Variants in ASPRV1 observed in about 807,000 individuals in gnomAD.
ASPRV1 encodes the protein aspartic peptidase retroviral like 1, also known as retroviral-like aspartic protease 1.
ASPRV1 carries 7 observed loss-of-function variants against 11.0 expected under a neutral mutation model. The observed-to-expected ratio is 0.64, with a 90% CI of 0.36 to 1.20. The LOEUF is 1.20. ASPRV1 is among the 50% of genes most tolerant of loss of function. The probability of loss-of-function intolerance (pLI) is 0.02; values close to 1 mark genes in which losing one functional copy is unlikely to be tolerated. For missense variants in ASPRV1, 299 were observed against 320.0 expected (o/e 0.93, Z 0.50); for synonymous variants, 136 against 138.4 (o/e 0.98, Z 0.12).
At chr2:70,012,791 T>A in the ASPRV1 span, among the ~76,000 whole-genome samples, 1 of 152,222 alleles carries the variant, frequency 6.6e-6, no homozygotes, top group African/African-American at 2.4e-5. Flanking sequence ...ATTGTTTGAA[T>A]TACAAGCTGA....
chr2:69,967,184 A>G, the ASPRV1 span, among the ~76,000 whole-genome samples: 1 of 152,142 alleles, frequency 6.6e-6, no homozygotes, highest in Non-Finnish European at 1.5e-5. Context: ...TCACTTGGAG[A>G]GATGAATCAG....
At chr2:70,047,168 CA>C in the ASPRV1 span, among the ~76,000 whole-genome samples, 16 of 152,098 alleles carry the variant, frequency 1.1e-4, no homozygotes, top group Admixed American at 9.8e-4. Flanking sequence ...CAGCAGCAAA[CA>C]AAAGAGATGT....
At chr2:70,036,648 T>C in the ASPRV1 span, among the ~76,000 whole-genome samples, 4 of 152,258 alleles carry the variant, frequency 2.6e-5, no homozygotes, top group East Asian at 7.7e-4. Flanking sequence ...CTTAAGTCAC[T>C]ATAGTGTCAC....
chr2:70,029,631 C>G, the ASPRV1 span, among the ~76,000 whole-genome samples: 3 of 152,168 alleles, frequency 2.0e-5, no homozygotes, highest in African/African-American at 7.2e-5. Flanking sequence ...GAGCAAGACT[C>G]CGTCTCAAAA....
At chr2:69,939,015 T>G in the ASPRV1 span, 1 of 152,614 alleles carries the variant, frequency 6.6e-6, no homozygotes, top group African/African-American at 2.4e-5. Context: ...CTCGCTGTGT[T>G]CTGCTATCTC....
the ASPRV1 span, among the ~76,000 whole-genome samples, chr2:70,054,514 T>C: frequency 6.6e-6 from 1 of 151,006 alleles, no homozygotes; most frequent in Non-Finnish European, 1.5e-5. Context: ...GAGGCGGAGT[T>C]TGCAGTGAGC....
At chr2:69,936,987 G>A in the ASPRV1 span, 1 of 617,024 alleles carries the variant, frequency 1.6e-6, no homozygotes, top group Non-Finnish European at 3.1e-6. Flanking sequence ...GTGCCAGTAT[G>A]TGAGAGCTCA....
At position 69,961,392 on chromosome 2, in the gene ASPRV1, A is replaced by G; in HGVS notation, c.45T>C (p.His15=). ...GARSEEGRRQ[H]AFVPEPFDGA... is the part of the protein sequence containing the mutation. Reference sequence around the variant, plus strand: ...CATCAAAAGGTTCCGGGACGAAGGCATGCTGCCGGCGGCCTTCCTCACTCC... The same window carrying G: ...CATCAAAAGGTTCCGGGACGAAGGCGTGCTGCCGGCGGCCTTCCTCACTCC... The change falls in exon 1 of 1, where the codon CAT becomes CAC. Residue 15 remains histidine, a synonymous_variant. Coordinates refer to ENST00000320256, the MANE Select transcript of ASPRV1 (RefSeq NM_152792.4). 1 of 1,614,124 alleles carries G rather than the reference A, an allele frequency of 6.2e-7. No homozygotes were observed. Among genetic ancestry groups the G allele is most frequent in the Non-Finnish European group, 8.5e-7 (1 of 1,180,032 alleles).
the ASPRV1 span, chr2:69,970,869 A>G: frequency 9.2e-3 from 1,409 of 152,350 alleles, 13 homozygotes; most frequent in Non-Finnish European, 0.014. Context: ...AGCAGCATTC[A>G]AAGTTGCCTT....
the ASPRV1 span, among the ~76,000 whole-genome samples, chr2:70,042,801 G>A: frequency 6.6e-6 from 1 of 152,112 alleles, no homozygotes; most frequent in African/African-American, 2.4e-5. Flanking sequence ...CAAACTTTGG[G>A]GGATAGGGAG....
At chr2:70,079,484 G>A in the ASPRV1 span, among the ~76,000 whole-genome samples, 7 of 152,002 alleles carry the variant, frequency 4.6e-5, no homozygotes, top group African/African-American at 9.7e-5. Flanking sequence ...AAAAAATAAA[G>A]TCCTGAAAGA....
upstream of ASPRV1, chr2:69,962,013 C>T (rs1040036115): frequency 1.0e-5 from 3 of 295,970 alleles, no homozygotes; most frequent in Non-Finnish European, 2.0e-5. Flanking sequence ...CAACAAGTGA[C>T]TACTTTGAGT....
the ASPRV1 span, among the ~76,000 whole-genome samples, chr2:69,998,958 G>A: frequency 6.6e-6 from 1 of 152,166 alleles, no homozygotes; most frequent in Admixed American, 6.5e-5. Context: ...CAGCAGCAGC[G>A]ACACAGGGAC....
chr2:69,968,498 T>C, the ASPRV1 span: 6 of 152,270 alleles, frequency 3.9e-5, no homozygotes, highest in East Asian at 9.6e-4. Context: ...CACTCCAGCC[T>C]GGATGACACA....
the ASPRV1 span, among the ~76,000 whole-genome samples, chr2:69,983,081 G>A: frequency 1.6e-4 from 25 of 152,248 alleles, 1 homozygote; most frequent in South Asian, 4.3e-3. Flanking sequence ...ACCACTCCCG[G>A]CTAATTTTTG....
At chr2:70,047,768 T>A in the ASPRV1 span, among the ~76,000 whole-genome samples, 2 of 152,120 alleles carry the variant, frequency 1.3e-5, no homozygotes, top group Non-Finnish European at 2.9e-5. Context: ...TGATTTACAG[T>A]ATGAAGCAGG....
the ASPRV1 span, among the ~76,000 whole-genome samples, chr2:70,058,215 T>C: frequency 7.9e-5 from 12 of 152,250 alleles, no homozygotes; most frequent in African/African-American, 2.7e-4. Flanking sequence ...CTGCTGTCTT[T>C]ATAAATTTCT....
the ASPRV1 span, among the ~76,000 whole-genome samples, chr2:69,973,504 C>T: frequency 2.0e-5 from 3 of 152,154 alleles, no homozygotes; most frequent in Admixed American, 2.0e-4. Context: ...GTGCACACCA[C>T]GCCCAGCTAA....
At chr2:69,955,869 C>T (rs1677925689), downstream of ASPRV1, among the ~76,000 whole-genome samples, 1 of 152,010 alleles carries the variant, frequency 6.6e-6, no homozygotes, top group East Asian at 1.9e-4. Context: ...GAAGTGGACT[C>T]TATGGTTTTC....
Sources: allele counts gnomAD v4.1 joint callset (sites outside exome capture counted in the v4.1 genomes callset), GRCh38; gene constraint gnomAD v4.1.1; transcripts MANE v1.5; gene names NCBI Gene and HGNC (gene_info 2026-07-23, HGNC 2026-07-21).